Variants in ABCC9 observed in about 807,000 individuals in gnomAD.
The protein encoded by ABCC9 is ATP binding cassette subfamily C member 9, also known as ATP-binding cassette sub-family C member 9.
In ABCC9, 95 loss-of-function variants were observed where a neutral mutation model predicts 188.3. The ratio of observed to expected loss-of-function variants is 0.50; its 90% CI spans 0.43 to 0.60. The LOEUF is 0.60. ABCC9 is among the 20% of genes least tolerant of loss of function. The pLI, the probability that ABCC9 is intolerant of heterozygous loss-of-function variation, is 0.00. For missense variants in ABCC9, 1,102 were observed against 1,876.3 expected (o/e 0.59, Z 7.62); for synonymous variants, 659 against 652.7 (o/e 1.01, Z -0.15).
intron 22 of ABCC9, 26 bp from the exon 23 acceptor site, chr12:21,852,531 A>T (rs370553141): frequency 1.5e-5 from 24 of 1,605,550 alleles, no homozygotes; most frequent in Middle Eastern, 1.6e-4. Flanking sequence ...TGGAGGAAAG[A>T]TGGACGTTTT....
At chr12:21,879,088 C>G (rs979931039) in intron 16 of ABCC9, among the ~76,000 whole-genome samples, 4 of 152,180 alleles carry the variant, frequency 2.6e-5, no homozygotes, top group Admixed American at 2.6e-4. Context: ...AAGTAAAATG[C>G]AGCGACACAT....
chr12:21,860,272 T>C (rs370771660), intron 21 of ABCC9, among the ~76,000 whole-genome samples: 6 of 152,174 alleles, frequency 3.9e-5, no homozygotes, highest in African/African-American at 1.4e-4. Flanking sequence ...CACTGCGGTA[T>C]GTAGCAAAAA....
At chr12:21,915,296 ATG>A in intron 7 of ABCC9, among the ~76,000 whole-genome samples, 1 of 134,162 alleles carries the variant, frequency 7.5e-6, no homozygotes, top group Non-Finnish European at 1.6e-5. Flanking sequence ...GTATATATAC[ATG>A]TGTATATATA....
At chr12:21,811,526 A>G (rs1942236744) in intron 36 of ABCC9, among the ~76,000 whole-genome samples, 2 of 152,160 alleles carry the variant, frequency 1.3e-5, no homozygotes, top group African/African-American at 4.8e-5. Context: ...TAACGGTTTG[A>G]GAATTTAATC....
chr12:21,919,476 A>G (rs1270562688), intron 5 of ABCC9, among the ~76,000 whole-genome samples: 1 of 151,996 alleles, frequency 6.6e-6, no homozygotes, highest in African/African-American at 2.4e-5. Context: ...TAACATAAAA[A>G]GAAGTAGATA....
chr12:21,906,708 A>C (rs1360192616), intron 11 of ABCC9, among the ~76,000 whole-genome samples: 2 of 152,214 alleles, frequency 1.3e-5, no homozygotes, highest in Admixed American at 6.5e-5. Flanking sequence ...AAAAATAATA[A>C]ATTTAAGAAA....
intron 25 of ABCC9, 137 bp downstream of exon 25, chr12:21,848,013 C>T: frequency 4.1e-6 from 3 of 725,722 alleles, no homozygotes; most frequent in Middle Eastern, 2.5e-4. Flanking sequence ...CTATTGTTTC[C>T]ATTTTCAGTA....
chr12:21,840,202 G>C (rs1944310398), intron 29 of ABCC9, among the ~76,000 whole-genome samples: 1 of 152,152 alleles, frequency 6.6e-6, no homozygotes, highest in Non-Finnish European at 1.5e-5. Context: ...CCTGTAGCTA[G>C]TTTCCCACTT....
At chr12:21,849,357 A>T (rs546378920) in intron 24 of ABCC9, among the ~76,000 whole-genome samples, 1 of 152,186 alleles carries the variant, frequency 6.6e-6, no homozygotes, top group South Asian at 2.1e-4. Context: ...AAAAGAGTGA[A>T]AACAAAAATG....
chr12:21,848,426 G>A (rs1944796062), intron 24 of ABCC9, among the ~76,000 whole-genome samples, 180 bp from the exon 25 acceptor site: 1 of 152,138 alleles, frequency 6.6e-6, no homozygotes, highest in African/African-American at 2.4e-5. Flanking sequence ...CCTTAGACTT[G>A]TAGTAAGTGC....
chr12:21,860,955 A>T lies in ABCC9; in HGVS notation c.2424+16T>A, dbSNP rs1945473499. The T allele has an allele frequency of 1.3e-6, 2 of 1,591,802 alleles. No homozygotes were observed. The highest frequency in any genetic ancestry group is 2.2e-5 in the South Asian group (2 of 90,592). On this transcript the variant is annotated intron_variant, in intron 21 of 39. Transcript: ENST00000261200. ...AGATTTTTGTTCATTGCTTAATGAA[A>T]CTATATATAGCTCACCCTCTCTCCA...
chr12:21,873,121 TA>T (rs1200256153), intron 17 of ABCC9, among the ~76,000 whole-genome samples: 1 of 151,894 alleles, frequency 6.6e-6, no homozygotes, highest in Non-Finnish European at 1.5e-5. Flanking sequence ...TTTGCATTTA[TA>T]ATAGAAAAAT....
chr12:21,830,878 C>T (rs1300495671), intron 30 of ABCC9, among the ~76,000 whole-genome samples: 2 of 151,986 alleles, frequency 1.3e-5, no homozygotes, highest in Non-Finnish European at 2.9e-5. Context: ...CTCCAGCTGA[C>T]CTTTTTAGGG....
At chr12:21,802,888 A>G (rs1396417281) in intron 39 of ABCC9, among the ~76,000 whole-genome samples, 2 of 152,132 alleles carry the variant, frequency 1.3e-5, no homozygotes, top group African/African-American at 4.8e-5. Flanking sequence ...CTTTCAGAAA[A>G]GCCAGCAGTT....
chr12:21,798,864 T>C lies in ABCC9; in HGVS notation c.*2180A>G, dbSNP rs1233291987. ...AACCAACCCAAATGTCCAACAATGA[T>C]AGACTGGATTAAGAAAATGTGGCAC... On this transcript the variant is annotated 3_prime_UTR_variant, in exon 40 of 40. Transcript: ENST00000261200. 2 of 149,130 alleles carry C rather than the reference T, an allele frequency of 1.3e-5. No homozygotes were observed. Among genetic ancestry groups the C allele is most frequent in the African/African-American group, 5.0e-5 (2 of 40,318 alleles). The allele number at this position is 149,130 out of a possible 1,614,324, so 9.2% of individuals were successfully genotyped here. A position where few individuals can be genotyped will look rare whatever the true frequency, so the allele number is the denominator to read the frequency against.
intron 12 of ABCC9, among the ~76,000 whole-genome samples, chr12:21,901,480 A>C (rs1947747367): frequency 1.3e-5 from 2 of 152,234 alleles, no homozygotes; most frequent in Non-Finnish European, 2.9e-5. Context: ...TAAATGGGCT[A>C]AATGCTCCAA....
intron 24 of ABCC9, 36 bp downstream of exon 24, chr12:21,852,061 T>C (rs768276209): frequency 1.9e-6 from 3 of 1,612,492 alleles, no homozygotes; most frequent in African/African-American, 2.7e-5. Flanking sequence ...CTCTTCTGAA[T>C]TGGGCTCTGA....
At chr12:21,828,323 G>T (rs1943512533) in intron 31 of ABCC9, 2 of 155,598 alleles carry the variant, frequency 1.3e-5, no homozygotes, top group Admixed American at 1.2e-4. Flanking sequence ...GCATTCGAAA[G>T]ACATTTCTTG....
At chr12:21,805,668 T>G (rs529635641) in intron 39 of ABCC9, among the ~76,000 whole-genome samples, 62 of 152,286 alleles carry the variant, frequency 4.1e-4, no homozygotes, top group African/African-American at 1.3e-3. Context: ...AAACTGCTCA[T>G]CAGACCATCA....
Sources: gnomAD v4.1 joint callset for allele counts (sites outside exome capture counted in the v4.1 genomes callset) on GRCh38, gnomAD v4.1.1 for gene constraint, MANE v1.5 for transcripts, NCBI Gene and HGNC (gene_info 2026-07-23, HGNC 2026-07-21) for gene names.